The following KAZN variants were observed in gnomAD, a reference collection of about 807,000 sequenced individuals.
KAZN encodes kazrin, periplakin interacting protein.
Under a neutral mutation model 87.4 loss-of-function variants are expected in KAZN, and 40 were observed. The ratio of observed to expected loss-of-function variants is 0.46; its 90% CI spans 0.36 to 0.60. The LOEUF (loss-of-function observed/expected upper bound fraction) is 0.60. Among genes scored for constraint, KAZN ranks in the 20% least tolerant of loss-of-function variants. KAZN has a pLI of 0.00. For missense variants in KAZN, 898 were observed against 1,073.9 expected, an observed-to-expected ratio of 0.84 and a Z score of 2.29; for synonymous variants, 466 against 458.3, an observed-to-expected ratio of 1.02 and a Z score of -0.22.
intron 1 of KAZN, among the ~76,000 whole-genome samples, chr1:14,799,741 C>T (rs754836451): frequency 4.6e-5 from 7 of 152,220 alleles, no homozygotes; most frequent in Non-Finnish European, 8.8e-5. Context: ...ACCCAGAAAC[C>T]CCTTAAGAAC....
At chr1:15,064,430 C>T (rs1312046948) in intron 7 of KAZN, among the ~76,000 whole-genome samples, 1 of 152,314 alleles carries the variant, frequency 6.6e-6, no homozygotes, top group Non-Finnish European at 1.5e-5. Context: ...AGCCCCACCC[C>T]GGTTACGCAT....
In KAZN at chr1:14,283,692, G is replaced by A. The variant is rs141980154; in HGVS notation, c.249+103100G>A. ...GAACAATCTGCCAGTCCCTTGAAAG[G>A]TTAAACACAAAGTCACCATATAGCC... is the stretch of plus-strand genomic sequence containing the variant. On this transcript the variant is annotated intron_variant, in intron 2 of 16. Transcript: ENST00000636203. 7.5e-3 allele frequency among the ~76,000 whole-genome samples: 1,141 copies of A among 152,232 alleles called. 7 individuals are homozygous for A. Among genetic ancestry groups the A allele is most frequent in the Middle Eastern group, 0.024 (7 of 294 alleles).
At chr1:14,936,022 G>A (rs1408180201) in intron 1 of KAZN, among the ~76,000 whole-genome samples, 1 of 152,228 alleles carries the variant, frequency 6.6e-6, no homozygotes, top group Non-Finnish European at 1.5e-5. Flanking sequence ...CCTTGGGGAC[G>A]CCTGGACGAC....
chr1:14,924,422 G>T, intron 1 of KAZN: 2 of 988,280 alleles, frequency 2.0e-6, no homozygotes, highest in Non-Finnish European at 2.4e-6. Context: ...GGCGCAGGGC[G>T]AGCCGGCGCC....
intron 2 of KAZN, among the ~76,000 whole-genome samples, chr1:14,464,285 A>G (rs1668001183): frequency 6.6e-6 from 1 of 152,184 alleles, no homozygotes; most frequent in South Asian, 2.1e-4. Context: ...TAGTGTTATA[A>G]TTTTTATTAA....
In KAZN at chr1:14,871,649, AGTGTGT is replaced by A. The variant is rs3033520; in HGVS notation, c.227-89007_227-89002del. Reference sequence around the variant, plus strand: ...AGCCTGAGACATCTACATGAGCAGCAGTGTGTGTGTGTGTGTGTGTGTGTGTGTGTG... The same window carrying A: ...AGCCTGAGACATCTACATGAGCAGCAGTGTGTGTGTGTGTGTGTGTGTGTG... On this transcript the variant is annotated intron_variant, in intron 1 of 14. Transcript: ENST00000376030. 5.8e-3 allele frequency among the ~76,000 whole-genome samples: 836 copies of A among 144,642 alleles called. 5 individuals are homozygous for A. The highest frequency in any genetic ancestry group is 0.014 in the Middle Eastern group (4 of 290). The allele number at this position is 144,642 out of a possible 152,430, so 94.9% of individuals were successfully genotyped here.
chr1:14,779,676 T>C (rs1197034433), intron 1 of KAZN, among the ~76,000 whole-genome samples: 1 of 152,220 alleles, frequency 6.6e-6, no homozygotes, highest in African/African-American at 2.4e-5. Flanking sequence ...ACAGGCTCTC[T>C]TCTATGAACA....
intron 1 of KAZN, among the ~76,000 whole-genome samples, chr1:14,841,050 A>G (rs917830840): frequency 1.3e-5 from 2 of 152,218 alleles, no homozygotes; most frequent in African/African-American, 4.8e-5. Flanking sequence ...CAACAAGTGT[A>G]AAGGCTTCAG....
intron 1 of KAZN, among the ~76,000 whole-genome samples, chr1:14,702,631 C>T (rs1241861275): frequency 2.0e-5 from 3 of 152,018 alleles, no homozygotes; most frequent in African/African-American, 4.8e-5. Context: ...CACAGAGTAT[C>T]GTGTATCGAT....
intron 1 of KAZN, among the ~76,000 whole-genome samples, chr1:13,907,724 A>G (rs944539785): frequency 6.6e-6 from 1 of 152,232 alleles, no homozygotes; most frequent in African/African-American, 2.4e-5. Flanking sequence ...TCTGGGAAAC[A>G]TAAGGCTGAA....
At position 15,002,528 on chromosome 1, in the gene KAZN, T is replaced by A. The variant is rs77785786; in HGVS notation, c.419-32221T>A. On this transcript the variant is annotated intron_variant, in intron 2 of 14. Coordinates refer to ENST00000376030, the MANE Select transcript of KAZN (RefSeq NM_201628.3). ...CTAAGCCTAGCTTGGCCAGTGACTC[T>A]CTGAATGACCTTGGGTGGGTCACTT... Among the ~76,000 whole-genome samples, 1,253 of 152,292 alleles carry A rather than the reference T, an allele frequency of 8.2e-3. 23 individuals are homozygous for A. The highest frequency in any genetic ancestry group is 0.029 in the African/African-American group (1,198 of 41,550).
intron 2 of KAZN, among the ~76,000 whole-genome samples, chr1:14,425,797 T>C (rs914565447): frequency 1.3e-5 from 2 of 152,174 alleles, no homozygotes; most frequent in African/African-American, 4.8e-5. Context: ...GTAAGGAGAC[T>C]GAGACTCAGA....
At chr1:14,679,832 G>C (rs1195091457) in intron 1 of KAZN, among the ~76,000 whole-genome samples, 1 of 152,064 alleles carries the variant, frequency 6.6e-6, no homozygotes, top group African/African-American at 2.4e-5. Flanking sequence ...CCACTGGGGC[G>C]CCTCAGAATC....
At chr1:14,307,796 G>A (rs113139430) in intron 2 of KAZN, among the ~76,000 whole-genome samples, 2,804 of 152,270 alleles carry the variant, frequency 0.018, 90 homozygotes, top group African/African-American at 0.065. Flanking sequence ...GAGAAATAGA[G>A]TGGATACAGA....
intron 2 of KAZN, among the ~76,000 whole-genome samples, chr1:15,012,404 C>T (rs1017085324): frequency 1.3e-5 from 2 of 152,164 alleles, no homozygotes; most frequent in African/African-American, 2.4e-5. Flanking sequence ...CCAAATCTCC[C>T]ATGGTGAGTA....
intron 1 of KAZN, among the ~76,000 whole-genome samples, chr1:14,784,846 G>A (rs944204582): frequency 6.6e-6 from 1 of 152,148 alleles, no homozygotes; most frequent in African/African-American, 2.4e-5. Flanking sequence ...AAATACATGT[G>A]GGCACTGGGC....
intron 1 of KAZN, among the ~76,000 whole-genome samples, chr1:14,918,189 C>G (rs1039952591): frequency 6.6e-6 from 1 of 152,114 alleles, no homozygotes; most frequent in African/African-American, 2.4e-5. Flanking sequence ...GATCTAGATG[C>G]ACTTCTAATG....
At chr1:15,003,212 G>A (rs911572258) in intron 2 of KAZN, among the ~76,000 whole-genome samples, 5 of 152,068 alleles carry the variant, frequency 3.3e-5, no homozygotes, top group East Asian at 3.9e-4. Flanking sequence ...GAGCACCCCC[G>A]CTAGAGCTTT....
chr1:15,066,036 T>C lies in KAZN; in HGVS notation c.1222+283T>C, dbSNP rs562595747. Reference sequence around the variant, plus strand: ...ATACCGCAAACCGTGTGTGAACCTGTCAACTCTCTGTCGTCTTTGGAGCGA... The same window carrying C: ...ATACCGCAAACCGTGTGTGAACCTGCCAACTCTCTGTCGTCTTTGGAGCGA... On this transcript the variant is annotated intron_variant, in intron 8 of 14. Coordinates refer to ENST00000376030, the MANE Select transcript of KAZN (RefSeq NM_201628.3). This position sits in a 1 kb window ranked among gnomAD's most constrained non-coding sequence, Gnocchi z 4.3. The C allele has an allele frequency of 5.6e-5, 69 of 1,239,252 alleles. No homozygotes were observed. Among genetic ancestry groups the C allele is most frequent in the Non-Finnish European group, 6.6e-5 (65 of 991,428 alleles). 76.8% of individuals were successfully genotyped at this position (1,239,252 alleles called of 1,614,324 possible). A position where few individuals can be genotyped will look rare whatever the true frequency, so the allele number is the denominator to read the frequency against.
Sources: gnomAD v4.1 joint callset for allele counts (sites outside exome capture counted in the v4.1 genomes callset) on GRCh38, gnomAD v4.1.1 for gene constraint, Gnocchi (gnomAD v3.1) non-coding constraint, MANE v1.5 for transcripts, NCBI Gene and HGNC (gene_info 2026-07-23, HGNC 2026-07-21) for gene names.